SCAP: variants seen among roughly 807,000 people sequenced by gnomAD.
SCAP encodes SREBF chaperone, also known as sterol regulatory element-binding protein cleavage-activating protein.
Under a neutral mutation model 123.6 loss-of-function variants are expected in SCAP, and 65 were observed. The observed-to-expected ratio is 0.53, with a 90% CI of 0.43 to 0.65. SCAP has a LOEUF of 0.65. SCAP is among the 30% of genes least tolerant of loss of function. SCAP has a pLI of 0.00. For synonymous variants in SCAP, 740 were observed against 726.3 expected, an observed-to-expected ratio of 1.02 and a Z score of -0.30; for missense variants, 1,398 against 1,712.5, an observed-to-expected ratio of 0.82 and a Z score of 3.24.
rs1353970104 is a variant in SCAP, at chr3:47,438,035, A to C, written c.123-2898T>G. On this transcript the variant is annotated intron_variant, in intron 2 of 22. Coordinates refer to ENST00000265565, the MANE Select transcript of SCAP (RefSeq NM_012235.4). ...GTCACCTCTTGATACTGTCAGTCCA[A>C]TTAATGTTAACCATTTAGAGGAAGA... Among the ~76,000 whole-genome samples the C allele has an allele frequency of 2.6e-5, 4 of 152,198 alleles. No individual in the cohort carries two copies. The East Asian group carries it at 5.8e-4, about 22-fold the overall frequency.
intron 1 of SCAP, among the ~76,000 whole-genome samples, chr3:47,453,770 T>A (rs919525513): frequency 6.6e-6 from 1 of 152,114 alleles, no homozygotes; most frequent in Non-Finnish European, 1.5e-5. Flanking sequence ...GCTGGCATTC[T>A]TCCCCAAAAT....
At chr3:47,448,553 A>AT (rs955125690) in intron 1 of SCAP, among the ~76,000 whole-genome samples, 212 of 143,620 alleles carry the variant, frequency 1.5e-3, no homozygotes, top group Admixed American at 3.9e-3. Flanking sequence ...AGCTCTGTTC[A>AT]TTTTTTTTTT....
At chr3:47,426,419 CTTTT>C (rs1223384371) in intron 6 of SCAP, among the ~76,000 whole-genome samples, 1 of 152,058 alleles carries the variant, frequency 6.6e-6, no homozygotes, top group East Asian at 1.9e-4. Flanking sequence ...CCAACACTCT[CTTTT>C]TTATTTATTT....
At chr3:47,437,978 T>C (rs969732210) in intron 2 of SCAP, among the ~76,000 whole-genome samples, 6 of 152,188 alleles carry the variant, frequency 3.9e-5, no homozygotes, top group African/African-American at 1.4e-4. Context: ...CTATCACCAG[T>C]GTAATAGGAG....
chr3:47,417,998 C>CGGGGGTGG, intron 16 of SCAP, 136 bp downstream of exon 16: 1 of 426,128 alleles, frequency 2.3e-6, no homozygotes, highest in Non-Finnish European at 4.3e-6. Context: ...GGAGGGGGTG[C>CGGGGGTGG]GGGGGTGGGG....
Position 47,443,076 on chromosome 3 carries a change from C to T in SCAP, c.-83G>A. On this transcript the variant is annotated 5_prime_UTR_variant, in exon 2 of 23. Transcript: ENST00000265565. ...CACACTTGACAGCACTGACAAAGAA[C>T]AACATGTGCAGGTACCTGGTAAGAA... 6.3e-7 allele frequency: 1 copy of T among 1,595,700 alleles called. No homozygotes were observed. The highest frequency in any genetic ancestry group is 8.5e-7 in the Non-Finnish European group (1 of 1,170,878).
At chr3:47,421,952 G>GT (rs1705919860) in intron 10 of SCAP, among the ~76,000 whole-genome samples, 2 of 152,290 alleles carry the variant, frequency 1.3e-5, no homozygotes, top group Admixed American at 1.3e-4. Context: ...TGGGCAATGG[G>GT]TGGTGGCCCT....
In SCAP at chr3:47,426,125, C is replaced by T. The variant is rs1423480827; in HGVS notation, c.782G>A (p.Ser261Asn). Residue 261 changes from serine to asparagine, a missense_variant, in exon 7 of 23, where the codon AGC (serine) becomes AAC (asparagine). Around this residue, in one of 7 missense-constraint regions of SCAP, gnomAD observed 319 missense variants for 432.4 expected, o/e 0.74. Coordinates refer to ENST00000265565, the MANE Select transcript of SCAP (RefSeq NM_012235.4). ...LRARLMLLHP[S>N]PNCSLRAESL... ...CTCCGCCCGAAGGCTGCAGTTGGGGCTGGGGTGCAGAAGCATCAGGCGGGC... is the reference window on the plus strand; with the variant it reads ...CTCCGCCCGAAGGCTGCAGTTGGGGTTGGGGTGCAGAAGCATCAGGCGGGC... 1 of 1,613,868 alleles carries T rather than the reference C, an allele frequency of 6.2e-7. No individual in the cohort carries two copies. The highest frequency in any genetic ancestry group is 8.5e-7 in the Non-Finnish European group (1 of 1,179,960).
Position 47,413,825 on chromosome 3 carries a change from C to G in SCAP, c.*29G>C. 6.2e-7 allele frequency: 1 copy of G among 1,602,620 alleles called. No homozygotes were observed. The highest frequency in any genetic ancestry group is 8.5e-7 in the Non-Finnish European group (1 of 1,173,578). ...CATTGGCCCCCACACAGCACCCCAGCCTCCTGCCTGGGCAAGGAGGCCCTG... is the reference window on the plus strand; with the variant it reads ...CATTGGCCCCCACACAGCACCCCAGGCTCCTGCCTGGGCAAGGAGGCCCTG... On this transcript the variant is annotated 3_prime_UTR_variant, in exon 23 of 23. Transcript: ENST00000265565.
chr3:47,417,086 C>T (rs921039027), intron 18 of SCAP, 36 bp downstream of exon 18: 5 of 1,590,770 alleles, frequency 3.1e-6, no homozygotes, highest in African/African-American at 1.3e-5. Context: ...CCAACAAAGG[C>T]TGGGGACATC....
chr3:47,448,719 T>G (rs573713819), intron 1 of SCAP, among the ~76,000 whole-genome samples: 1 of 127,782 alleles, frequency 7.8e-6, no homozygotes, highest in Non-Finnish European at 1.8e-5. Context: ...AATTTCTGAT[T>G]TTCTGTTCAT....
chr3:47,425,546 A>G lies in SCAP; in HGVS notation c.976T>C (p.Ser326Pro), dbSNP rs1706088236. 12 of 1,614,006 alleles carry G rather than the reference A, an allele frequency of 7.4e-6. No homozygotes were observed. Among genetic ancestry groups the G allele is most frequent in the Non-Finnish European group, 1.0e-5 (12 of 1,180,050 alleles). Residue 326 changes from serine to proline, a missense_variant, in exon 8 of 23, where the codon TCG becomes CCG. By Grantham distance (74) the Ser-to-Pro change is moderately conservative. Coordinates refer to ENST00000265565, the MANE Select transcript of SCAP (RefSeq NM_012235.4). ...ALAAVVTVLSSLLMSVGLCTL... is the reference protein window; with the variant it reads ...ALAAVVTVLSPLLMSVGLCTL... ...CAGAGTCCCACAGACATGAGCAGCG[A>G]GCTGAGCACTGTGACCACGGCAGCC...
chr3:47,418,417 G>A lies in SCAP; in HGVS notation c.2235C>T (p.Pro745=), dbSNP rs774915990. 36 of 1,580,284 alleles carry A rather than the reference G, an allele frequency of 2.3e-5. No individual in the cohort carries two copies. Among genetic ancestry groups the A allele is most frequent in the Admixed American group, 5.3e-5 (3 of 56,078 alleles). Reference sequence around the variant, plus strand: ...GCAGCTCCCCGCGCCTCCGCCGCCCGGGCCCACCACCCAGCTGCCCGTAGT... The same window carrying A: ...GCAGCTCCCCGCGCCTCCGCCGCCCAGGCCCACCACCCAGCTGCCCGTAGT... ...PRNYGQLGGG[P]GRRRRGELPC... The change falls in exon 15 of 23, where the codon CCC becomes CCT. Residue 745 remains proline (P), a synonymous_variant. Transcript: ENST00000265565.
chr3:47,418,533 G>A lies in SCAP; in HGVS notation c.2130-11C>T, dbSNP rs1010042501. 5 of 1,580,352 alleles carry A rather than the reference G, an allele frequency of 3.2e-6. No individual in the cohort carries two copies. In the African/African-American group the frequency reaches 6.7e-5, roughly 21 times the overall value. On this transcript the variant is annotated splice_polypyrimidine_tract_variant and intron_variant, in intron 14 of 22. Transcript: ENST00000265565. ...CCCAGCGCCGCCACCCTGCACGGGA[G>A]GGCGGACTGCTGTGAGACACACCTC... is the stretch of plus-strand genomic sequence containing the variant.
intron 2 of SCAP, among the ~76,000 whole-genome samples, chr3:47,438,867 A>G (rs4858889): frequency 0.03 from 4,617 of 152,116 alleles, 249 homozygotes; most frequent in East Asian, 0.15. Flanking sequence ...TTGCATAGTA[A>G]TCACAGAGTA....
In SCAP at chr3:47,417,625, C is replaced by T. The variant is rs750968983; in HGVS notation, c.2649G>A (p.Ala883=). 40 of 1,607,554 alleles carry T rather than the reference C, an allele frequency of 2.5e-5. No homozygotes were observed. The highest frequency in any genetic ancestry group is 4.0e-5 in the African/African-American group (3 of 74,564). Residue 883 remains alanine (A), a synonymous_variant, in exon 17 of 23, where the codon GCG becomes GCA. Transcript: ENST00000265565. The part of the protein sequence containing the change: ...LTCLIDTNFS[A]QPRSSQPTQP... ...GAGTGGGCTGTGAGGACCGAGGCTG[C>T]GCTGAAAAGTTGGTGTCAATTAAGC... is the stretch of plus-strand genomic sequence containing the variant.
chr3:47,427,132 G>A (rs148107470), intron 6 of SCAP, 25 bp downstream of exon 6: 235 of 1,548,172 alleles, frequency 1.5e-4, no homozygotes, highest in Middle Eastern at 8.4e-4. Context: ...GACCAGTCAA[G>A]AGCCCAGGGT....
At chr3:47,437,367 A>T (rs1706619679) in intron 2 of SCAP, among the ~76,000 whole-genome samples, 1 of 135,340 alleles carries the variant, frequency 7.4e-6, no homozygotes, top group Non-Finnish European at 1.5e-5. Context: ...TGAACCGGTG[A>T]GCTGAGATGG....
At chr3:47,436,709 G>C (rs1324285513) in intron 2 of SCAP, among the ~76,000 whole-genome samples, 1 of 152,122 alleles carries the variant, frequency 6.6e-6, no homozygotes, top group African/African-American at 2.4e-5. Flanking sequence ...TTAAAATTTA[G>C]AAATAACTTC....
Sources: allele counts gnomAD v4.1 joint callset (sites outside exome capture counted in the v4.1 genomes callset), GRCh38; gene constraint gnomAD v4.1.1; regional missense constraint gnomAD v4.1.1; transcripts MANE v1.5; gene names NCBI Gene and HGNC (gene_info 2026-07-23, HGNC 2026-07-21).